The following NRXN3 variants were observed in gnomAD, a reference collection of about 807,000 sequenced individuals.
NRXN3 encodes neurexin 3, also known as neurexin III.
In NRXN3, 32 loss-of-function variants were observed where a neutral mutation model predicts 137.6. The observed-to-expected ratio is 0.23, with a 90% confidence interval of 0.18 to 0.31. The LOEUF is 0.31. NRXN3 is among the 10% of genes least tolerant of loss of function. The probability of loss-of-function intolerance (pLI) is 1.00; values close to 1 mark genes in which losing one functional copy is unlikely to be tolerated. For synonymous variants in NRXN3, 798 were observed against 784.5 expected (o/e 1.02, Z -0.29); for missense variants, 1,574 against 2,062.5 (o/e 0.76, Z 4.59).
intron 10 of NRXN3, among the ~76,000 whole-genome samples, chr14:78,868,656 C>T (rs2099093492): frequency 6.6e-6 from 1 of 151,786 alleles, no homozygotes; most frequent in Non-Finnish European, 1.5e-5. Context: ...CCCATCTCTA[C>T]TAAAAATACA....
intron 16 of NRXN3, among the ~76,000 whole-genome samples, chr14:79,569,783 A>AT (rs2097582739): frequency 6.6e-6 from 1 of 151,916 alleles, no homozygotes; most frequent in Non-Finnish European, 1.5e-5. Context: ...TAATTTTTGT[A>AT]TTTTTTGTAG....
chr14:78,427,519 A>G (rs1031319311), intron 4 of NRXN3, among the ~76,000 whole-genome samples: 2 of 152,236 alleles, frequency 1.3e-5, no homozygotes, highest in African/African-American at 4.8e-5. Flanking sequence ...GAGAACTGGT[A>G]TAATGAATCT....
intron 10 of NRXN3, among the ~76,000 whole-genome samples, chr14:78,900,343 G>A (rs189305176): frequency 6.6e-5 from 10 of 152,026 alleles, no homozygotes; most frequent in Non-Finnish European, 1.5e-4. Context: ...CAGCTTCTAA[G>A]CCTAGTGAGT....
intron 19 of NRXN3, among the ~76,000 whole-genome samples, chr14:79,796,601 T>A (rs1393012981): frequency 6.6e-6 from 1 of 152,166 alleles, no homozygotes; most frequent in African/African-American, 2.4e-5. Context: ...AAATAAAGGA[T>A]CCCAATCCTC....
At chr14:78,988,967 C>T (rs926781011) in intron 15 of NRXN3, among the ~76,000 whole-genome samples, 3 of 152,166 alleles carry the variant, frequency 2.0e-5, no homozygotes, top group African/African-American at 7.2e-5. Context: ...GTGGAGACAC[C>T]TCAATGCTGT....
chr14:78,588,424 C>T (rs934065459), intron 4 of NRXN3, among the ~76,000 whole-genome samples: 1 of 152,194 alleles, frequency 6.6e-6, no homozygotes, highest in African/African-American at 2.4e-5. Flanking sequence ...CTAAATGGGA[C>T]ATGTCTCCTC....
chr14:78,340,356 G>A (rs1024162628), intron 4 of NRXN3, among the ~76,000 whole-genome samples: 5 of 152,222 alleles, frequency 3.3e-5, no homozygotes, highest in African/African-American at 9.6e-5. Context: ...GAAGCCAAGT[G>A]TCTACTTTGG....
chr14:79,078,970 C>A (rs1312081252), intron 15 of NRXN3, among the ~76,000 whole-genome samples: 3 of 152,092 alleles, frequency 2.0e-5, no homozygotes, highest in Admixed American at 2.0e-4. Context: ...TTTTCTGTCA[C>A]CAGTCCTTAT....
At chr14:78,380,350 C>T (rs916841116) in intron 4 of NRXN3, among the ~76,000 whole-genome samples, 1 of 151,522 alleles carries the variant, frequency 6.6e-6, no homozygotes, top group Admixed American at 6.6e-5. Context: ...ATCTTAATCC[C>T]TGGAATCTGT....
chr14:78,763,291 C>G (rs941859802), intron 8 of NRXN3, among the ~76,000 whole-genome samples: 6 of 152,056 alleles, frequency 3.9e-5, no homozygotes, highest in Admixed American at 2.6e-4. Context: ...CAAATCTTGC[C>G]TTACCACTAA....
intron 10 of NRXN3, among the ~76,000 whole-genome samples, chr14:78,861,226 A>G (rs1044062302): frequency 6.6e-6 from 1 of 152,162 alleles, no homozygotes; most frequent in Non-Finnish European, 1.5e-5. Context: ...AGTTTGTGTT[A>G]TATGAAATAA....
intron 15 of NRXN3, chr14:79,200,114 G>A (rs1287185457): frequency 6.6e-6 from 1 of 152,194 alleles, no homozygotes; most frequent in South Asian, 2.1e-4. Flanking sequence ...TAAAAGCCAA[G>A]AGAAGGAGAG....
In NRXN3 at chr14:79,026,484, G is replaced by GA. The variant is rs1209431709; in HGVS notation, c.3262+38347dup. ...CATTTGAGGCCCTGGTAGGTGTGGA[G>GA]AAAATCCTAAAAACAATAAAACAAA... On this transcript the variant is annotated intron_variant, in intron 15 of 20. Transcript: ENST00000335750. Among the ~76,000 whole-genome samples, 16 of 152,114 alleles carry GA rather than the reference G, an allele frequency of 1.1e-4. No homozygotes were observed. The Middle Eastern group carries it at 0.01, about 97-fold the overall frequency.
intron 4 of NRXN3, among the ~76,000 whole-genome samples, chr14:78,620,788 T>G: frequency 6.6e-6 from 1 of 152,172 alleles, no homozygotes; most frequent in East Asian, 1.9e-4. Flanking sequence ...GAGCTACAGT[T>G]ATTATATTAT....
intron 2 of NRXN3, among the ~76,000 whole-genome samples, chr14:78,245,566 ATC>A (rs2067551362): frequency 6.6e-6 from 1 of 152,248 alleles, no homozygotes; most frequent in Admixed American, 6.5e-5. Flanking sequence ...TTTCCAGAAC[ATC>A]CCAACCCCTA....
At chr14:79,409,368 C>T (rs1346874034) in intron 15 of NRXN3, among the ~76,000 whole-genome samples, 1 of 150,524 alleles carries the variant, frequency 6.6e-6, no homozygotes, top group Non-Finnish European at 1.5e-5. Context: ...TACATGTGCA[C>T]ATGTACATAT....
chr14:79,526,070 G>T (rs544616980), intron 16 of NRXN3, among the ~76,000 whole-genome samples: 1 of 151,804 alleles, frequency 6.6e-6, no homozygotes, highest in Non-Finnish European at 1.5e-5. Flanking sequence ...TTTTTGAGAC[G>T]GAGTTTTGCT....
At chr14:79,633,038 G>A (rs1447731773) in intron 16 of NRXN3, among the ~76,000 whole-genome samples, 1 of 152,138 alleles carries the variant, frequency 6.6e-6, no homozygotes, top group Non-Finnish European at 1.5e-5. Flanking sequence ...GAACATTCAA[G>A]GGATTTGCTC....
intron 4 of NRXN3, among the ~76,000 whole-genome samples, chr14:78,371,046 G>A (rs2086730566): frequency 6.6e-6 from 1 of 152,156 alleles, no homozygotes; most frequent in South Asian, 2.1e-4. Context: ...TGGGTAGGAG[G>A]CAGGGAAATA....
Sources: allele counts gnomAD v4.1 joint callset (sites outside exome capture counted in the v4.1 genomes callset), GRCh38; gene constraint gnomAD v4.1.1; transcripts MANE v1.5; gene names NCBI Gene and HGNC (gene_info 2026-07-23, HGNC 2026-07-21).